The following PARP4 variants were observed in gnomAD, a reference collection of about 807,000 sequenced individuals.
PARP4 encodes the protein protein mono-ADP-ribosyltransferase PARP4.
A neutral mutation model predicts 187.7 loss-of-function variants in PARP4; 120 were observed. The observed-to-expected ratio is 0.64, with a 90% CI of 0.55 to 0.74. PARP4 has a LOEUF of 0.74. Ranked by LOEUF, PARP4 falls within the 30% of genes least tolerant of loss-of-function variation. PARP4 has a pLI of 0.00. For synonymous variants in PARP4, 654 were observed against 740.9 expected (o/e 0.88, Z 1.90); for missense variants, 1,836 against 2,070.5 (o/e 0.89, Z 2.20).
At chr13:24,485,991 T>C (rs1196211745) in intron 11 of PARP4, among the ~76,000 whole-genome samples, 177 bp downstream of exon 11, 1 of 152,108 alleles carries the variant, frequency 6.6e-6, no homozygotes, top group Admixed American at 6.6e-5. Flanking sequence ...GCCATAAATA[T>C]GTAATTTAAA....
intron 5 of PARP4, among the ~76,000 whole-genome samples, chr13:24,499,090 G>T (rs374467315): frequency 2.6e-5 from 4 of 152,150 alleles, no homozygotes; most frequent in East Asian, 1.9e-4. Flanking sequence ...CTTGAGCCCA[G>T]GAGTTCGAGA....
Position 24,421,254 on chromosome 13 carries a change from T to C in PARP4, c.5040A>G (p.Glu1680=), listed in dbSNP as rs199803145. The C allele has an allele frequency of 7.8e-3, 10,240 of 1,310,920 alleles. 34 individuals carry two copies. The highest frequency in any genetic ancestry group is 9.3e-3 in the Non-Finnish European group (9,048 of 973,306). 81.2% of individuals were successfully genotyped at this position (1,310,920 alleles called of 1,614,324 possible). A position where few individuals can be genotyped will look rare whatever the true frequency, so the allele number is the denominator to read the frequency against. The change falls in exon 34 of 34, where the codon GAA becomes GAG. Residue 1680 remains glutamate, a synonymous_variant. Coordinates refer to ENST00000381989, the MANE Select transcript of PARP4 (RefSeq NM_006437.4). ...GTGGGCAGATAGATGGGTACTGTCC[T>C]TCAGTTCTTCTTACCCATTCACTTG... ...KQASEWVRRT[E]GQYPSICPRL... is the part of the protein sequence containing the mutation.
intron 17 of PARP4, among the ~76,000 whole-genome samples, chr13:24,460,690 T>C (rs1007989145): frequency 6.6e-6 from 1 of 152,214 alleles, no homozygotes; most frequent in African/African-American, 2.4e-5. Context: ...TTTTTATTTT[T>C]ATTTATTCAT....
In PARP4 at chr13:24,493,669, A is replaced by G. The variant is rs1320662702; in HGVS notation, c.806T>C (p.Met269Thr). 1.9e-6 allele frequency: 3 copies of G among 1,613,936 alleles called. No individual in the cohort carries two copies. Among genetic ancestry groups the G allele is most frequent in the Non-Finnish European group, 2.5e-6 (3 of 1,179,966 alleles). The change falls in exon 8 of 34, where the codon ATG (methionine) becomes ACG (threonine). Residue 269 changes from methionine to threonine, a missense_variant. By Grantham distance (81) the Met-to-Thr change is moderately conservative. Coordinates refer to ENST00000381989, the MANE Select transcript of PARP4 (RefSeq NM_006437.4). ...GTGGCCCAGGGCCTCTGCCCAAATC[A>G]TCTCTACTAAATCGCTCACCTCTTG... Reference protein sequence around the residue: ...LSQEVSDLVEMIWAEALGHLE... With the variant: ...LSQEVSDLVETIWAEALGHLE...
At chr13:24,460,177 A>AT in intron 17 of PARP4, 41 bp from the exon 18 acceptor site, 2 of 1,543,948 alleles carry the variant, frequency 1.3e-6, no homozygotes, top group Non-Finnish European at 1.8e-6. Context: ...ACTTGAAAGC[A>AT]TACCCATTAT....
chr13:24,435,144 C>A lies in PARP4; in HGVS notation c.3997G>T (p.Ala1333Ser). Residue 1333 changes from alanine (A) to serine (S), a missense_variant, in exon 31 of 34, where the codon GCT becomes TCT. Physicochemically the swap from Ala to Ser is moderately conservative, Grantham distance 99. Around this residue, in one of 8 missense-constraint regions of PARP4, gnomAD observed 450 missense variants for 439.2 expected, o/e 1.02. Transcript: ENST00000381989. ...AAAGACAAGGAAGCAGGACTGTGAG[C>A]GCGGGCAGTCGGGGGAAGATAGGAA... ...VGSYLPPTAR[A>S]HSPASLSFAS... The A allele has an allele frequency of 2.5e-6, 4 of 1,614,082 alleles. No individual in the cohort carries two copies. Among genetic ancestry groups the A allele is most frequent in the Non-Finnish European group, 3.4e-6 (4 of 1,180,008 alleles).
rs771506988 is a variant in PARP4 at position 24,431,332 on chromosome 13, A to G, written c.4846+45T>C. Reference sequence around the variant, plus strand: ...ACAACAATTAGGAGCATGCTTATTAATGAATGAAAATAATGACTTAATAAA... The same window carrying G: ...ACAACAATTAGGAGCATGCTTATTAGTGAATGAAAATAATGACTTAATAAA... On this transcript the variant is annotated intron_variant, in intron 32 of 33. Transcript: ENST00000381989. 2.9e-6 allele frequency: 3 copies of G among 1,040,048 alleles called. No individual in the cohort carries two copies. In the Admixed American group the frequency reaches 7.1e-5, roughly 25 times the overall value. The allele number at this position is 1,040,048 out of a possible 1,614,324, so 64.4% of individuals were successfully genotyped here. A position where few individuals can be genotyped will look rare whatever the true frequency, so the allele number is the denominator to read the frequency against.
chr13:24,471,511 A>G lies in PARP4; in HGVS notation c.1915-1486T>C, dbSNP rs150898631. Among the ~76,000 whole-genome samples, 77 of 152,340 alleles carry G rather than the reference A, an allele frequency of 5.1e-4. No homozygotes were observed. The East Asian group carries it at 9.6e-3, about 19-fold the overall frequency. ...AATTTTGACATCTTAATTTTCTTCC[A>G]TTAGATAAAACCATGATGTAACTAA... On this transcript the variant is annotated intron_variant, in intron 15 of 33. Coordinates refer to ENST00000381989, the MANE Select transcript of PARP4 (RefSeq NM_006437.4).
intron 2 of PARP4, among the ~76,000 whole-genome samples, chr13:24,502,351 T>A (rs1334804381): frequency 6.6e-6 from 1 of 152,234 alleles, no homozygotes; most frequent in African/African-American, 2.4e-5. Context: ...ATTTATTTTT[T>A]AATAAATAGT....
In PARP4 at chr13:24,496,669, G is replaced by A. The variant is rs572734926; in HGVS notation, c.591+1447C>T. ...AGTGGGAACAAAGGGAAAAGCTCCT[G>A]GAGCCTGTGTGGGCCTCTGTGAGGG... is the stretch of plus-strand genomic sequence containing the variant. On this transcript the variant is annotated intron_variant, in intron 6 of 33. Coordinates refer to ENST00000381989, the MANE Select transcript of PARP4 (RefSeq NM_006437.4). Among the ~76,000 whole-genome samples the A allele has an allele frequency of 2.6e-5, 4 of 152,288 alleles. No individual in the cohort carries two copies. The South Asian group carries it at 8.3e-4, about 32-fold the overall frequency.
At chr13:24,455,486 T>TAG (rs1293463613) in intron 21 of PARP4, among the ~76,000 whole-genome samples, 2 of 133,224 alleles carry the variant, frequency 1.5e-5, no homozygotes, top group Non-Finnish European at 3.2e-5. Context: ...AACAAATATA[T>TAG]ATATATATAT....
intron 30 of PARP4, among the ~76,000 whole-genome samples, chr13:24,440,292 G>A (rs1870854240): frequency 6.6e-6 from 1 of 151,522 alleles, no homozygotes; most frequent in African/African-American, 2.4e-5. Context: ...CAGCAACTCA[G>A]GAGACTGAGG....
At chr13:24,479,986 T>A (rs949980708) in intron 12 of PARP4, among the ~76,000 whole-genome samples, 2 of 151,532 alleles carry the variant, frequency 1.3e-5, no homozygotes, top group African/African-American at 4.9e-5. Context: ...GCTGTAACAC[T>A]CACTGCGAAG....
At chr13:24,475,722 T>C in intron 14 of PARP4, 126 bp from the exon 15 acceptor site, 2 of 974,200 alleles carry the variant, frequency 2.1e-6, no homozygotes, top group Admixed American at 2.3e-5. Flanking sequence ...AATAGCATTT[T>C]ATGATTTTCA....
At chr13:24,449,117 G>C (rs535355442) in intron 25 of PARP4, among the ~76,000 whole-genome samples, 4 of 152,118 alleles carry the variant, frequency 2.6e-5, no homozygotes, top group Non-Finnish European at 4.4e-5. Context: ...GGCCAGGCGC[G>C]GTGGCTCACG....
chr13:24,462,101 G>A (rs1326040713), intron 17 of PARP4, among the ~76,000 whole-genome samples: 2 of 152,146 alleles, frequency 1.3e-5, no homozygotes, highest in Non-Finnish European at 2.9e-5. Context: ...AGGACTGCAG[G>A]CCCTGCCTAA....
chr13:24,431,188 T>G (rs1870315065), intron 32 of PARP4, among the ~76,000 whole-genome samples, 189 bp downstream of exon 32: 1 of 152,182 alleles, frequency 6.6e-6, no homozygotes, highest in Non-Finnish European at 1.5e-5. Flanking sequence ...AATACCCTAA[T>G]TAGTGGTAAA....
intron 31 of PARP4, among the ~76,000 whole-genome samples, chr13:24,432,396 C>T (rs569654795): frequency 6.6e-6 from 1 of 152,232 alleles, no homozygotes; most frequent in Admixed American, 6.5e-5. Context: ...GATTGACATA[C>T]AAAAAGTCAC....
chr13:24,499,795 T>C (rs749333157), intron 4 of PARP4, among the ~76,000 whole-genome samples: 5 of 152,216 alleles, frequency 3.3e-5, no homozygotes, highest in Non-Finnish European at 5.9e-5. Flanking sequence ...TCTCATAATC[T>C]GTACTTTTCA....
Sources: gnomAD v4.1 joint callset for allele counts (sites outside exome capture counted in the v4.1 genomes callset) on GRCh38, gnomAD v4.1.1 for gene constraint, gnomAD v4.1.1 regional missense constraint, MANE v1.5 for transcripts, NCBI Gene and HGNC (gene_info 2026-07-23, HGNC 2026-07-21) for gene names.